TRMT44: variants seen among roughly 807,000 people sequenced by gnomAD.
The protein encoded by TRMT44 is probable tRNA (uracil-O(2)-)-methyltransferase.
A neutral mutation model predicts 77.3 loss-of-function variants in TRMT44; 78 were observed. The observed-to-expected ratio is 1.01, with a 90% confidence interval of 0.84 to 1.22. The LOEUF (loss-of-function observed/expected upper bound fraction) is 1.22, where lower values mean the gene tolerates loss of function less well. Among genes scored for constraint, TRMT44 ranks in the 50% most tolerant of loss-of-function variants. TRMT44 has a pLI of 0.00. For missense variants in TRMT44, 1,090 were observed against 964.4 expected (o/e 1.13, Z -1.73); for synonymous variants, 391 against 383.3 (o/e 1.02, Z -0.23).
At chr4:8,479,743 AAAT>A (rs1727554672), downstream of TRMT44, among the ~76,000 whole-genome samples, 1 of 152,194 alleles carries the variant, frequency 6.6e-6, no homozygotes, top group African/African-American at 2.4e-5. Context: ...TATACTAAAA[AAAT>A]GTCTTCAATA....
At position 8,446,004 on chromosome 4, in the gene TRMT44, A is replaced by G. The variant is rs965184108; in HGVS notation, c.620-472A>G. ...GGGAAGGTGACTGTGAAGTCCGTAC[A>G]TGCAGCAAGGGCTCCACACAACATA... On this transcript the variant is annotated intron_variant, in intron 1 of 10. Coordinates refer to ENST00000389737, the MANE Select transcript of TRMT44 (RefSeq NM_152544.3). This position sits in a 1 kb window ranked among gnomAD's most constrained non-coding sequence, Gnocchi z 4.3. 6.6e-6 allele frequency among the ~76,000 whole-genome samples: 1 copy of G among 152,236 alleles called. No homozygotes were observed. Among genetic ancestry groups the G allele is most frequent in the African/African-American group, 2.4e-5 (1 of 41,460 alleles).
At chr4:8,465,283 C>T (rs1026055364) in intron 7 of TRMT44, 95 bp from the exon 8 acceptor site, 5 of 1,224,934 alleles carry the variant, frequency 4.1e-6, no homozygotes, top group African/African-American at 1.5e-5. Context: ...CCCTATTTTG[C>T]CCTGATATGC....
At position 8,446,572 on chromosome 4, in the gene TRMT44, G is replaced by C. The variant is rs191714565; in HGVS notation, c.716G>C (p.Ser239Thr). The stretch of plus-strand genomic sequence containing the variant: ...AGCAATGTGTATCAAATTCAGCTCA[G>C]TCATAGCAAAGAAGAATGGTAAGAG... ...KMSNVYQIQLSHSKEEWFISV... is the reference protein window; with the variant it reads ...KMSNVYQIQLTHSKEEWFISV... Residue 239 changes from serine to threonine, a missense_variant, in exon 2 of 11, where the codon AGT (serine) becomes ACT (threonine). Transcript: ENST00000389737. The surrounding 1 kb of genome is among the most constrained non-coding windows in gnomAD (Gnocchi z 4.3). 6.5e-7 allele frequency: 1 copy of C among 1,535,436 alleles called. No individual in the cohort carries two copies. Among genetic ancestry groups the C allele is most frequent in the East Asian group, 2.4e-5 (1 of 40,924 alleles).
downstream of TRMT44, among the ~76,000 whole-genome samples, chr4:8,497,724 G>C (rs1728190450): frequency 6.6e-6 from 1 of 152,230 alleles, no homozygotes; most frequent in South Asian, 2.1e-4. Context: ...CCACTGAGCT[G>C]GTGTGTACCT....
Position 8,452,004 on chromosome 4 carries a change from T to C in TRMT44, c.999T>C (p.Asp333=). 4 of 1,536,726 alleles carry C rather than the reference T, an allele frequency of 2.6e-6. No homozygotes were observed. In the Admixed American group the frequency reaches 5.9e-5, roughly 23 times the overall value. ...VTDPEKFVYE[D]VAIAAYLLIL... ...ATCCTGAGAAGTTCGTGTATGAAGA[T>C]GTGGCTATCGCAGCATACCTGCTGG... is the stretch of plus-strand genomic sequence containing the variant. The change falls in exon 4 of 11, where the codon GAT becomes GAC. Residue 333 remains aspartate (D), a synonymous_variant. Transcript: ENST00000389737. The surrounding 1 kb of genome is among the most constrained non-coding windows in gnomAD (Gnocchi z 5.7).
intron 2 of TRMT44, among the ~76,000 whole-genome samples, chr4:8,487,294 T>G (rs1167108677): frequency 6.6e-6 from 1 of 150,776 alleles, no homozygotes; most frequent in Non-Finnish European, 1.5e-5. Flanking sequence ...CTAAGGGAGA[T>G]GGAGGAATGG....
chr4:8,449,949 C>CTTTTTTTTTCTT, intron 3 of TRMT44, 61 bp downstream of exon 3: 2 of 238,688 alleles, frequency 8.4e-6, no homozygotes, highest in South Asian at 6.0e-5. Context: ...CTTTTCTTTT[C>CTTTTTTTTTCTT]TTTTTTTTTT....
Position 8,468,290 on chromosome 4 carries a change from A to G in TRMT44, c.1871A>G (p.Lys624Arg). 6.2e-7 allele frequency: 1 copy of G among 1,614,254 alleles called. No homozygotes were observed. The highest frequency in any genetic ancestry group is 8.5e-7 in the Non-Finnish European group (1 of 1,180,048). Residue 624 changes from lysine (K) to arginine (R), a missense_variant, in exon 9 of 11, where the codon AAG becomes AGG. Physicochemically the swap from Lys to Arg is conservative, Grantham distance 26 (BLOSUM62 2). Transcript: ENST00000389737. ...GTAGCGAATTTACTGTTAGGTGGAAAGCAATTAAACACAAGAAGTTCTCGA... is the reference window on the plus strand; with the variant it reads ...GTAGCGAATTTACTGTTAGGTGGAAGGCAATTAAACACAAGAAGTTCTCGA... ...LQVANLLLGGKQLNTRSSRNG... is the reference protein window; with the variant it reads ...LQVANLLLGGRQLNTRSSRNG...
rs780155008 is a variant in TRMT44 at position 8,464,034 on chromosome 4, G to C, written c.1253G>C (p.Trp418Ser). The change falls in exon 7 of 11, where the codon TGG (tryptophan) becomes TCG (serine). Residue 418 changes from tryptophan (W) to serine (S), a missense_variant. Trp to Ser is a radical substitution (Grantham distance 177). Coordinates refer to ENST00000389737, the MANE Select transcript of TRMT44 (RefSeq NM_152544.3). ...NDKTLFPDVD[W>S]LIGNHSDELT... is the part of the protein sequence containing the mutation. ...AAGACCCTTTTCCCTGATGTTGATT[G>C]GTTAATCGGTAACCATTCTGATGAA... 5 of 1,614,076 alleles carry C rather than the reference G, an allele frequency of 3.1e-6. No homozygotes were observed. The highest frequency in any genetic ancestry group is 4.2e-6 in the Non-Finnish European group (5 of 1,180,002).
Position 8,464,039 on chromosome 4 carries a change from A to T in TRMT44, c.1258A>T (p.Ile420Phe). Residue 420 changes from isoleucine (I) to phenylalanine (F), a missense_variant, in exon 7 of 11, where the codon ATC becomes TTC. Physicochemically the swap from Ile to Phe is conservative, Grantham distance 21 (BLOSUM62 0). Coordinates refer to ENST00000389737, the MANE Select transcript of TRMT44 (RefSeq NM_152544.3). ...KTLFPDVDWL[I>F]GNHSDELTPW... ...CCTTTTCCCTGATGTTGATTGGTTA[A>T]TCGGTAACCATTCTGATGAACTCAC... 6.2e-7 allele frequency: 1 copy of T among 1,614,132 alleles called. No homozygotes were observed. Among genetic ancestry groups the T allele is most frequent in the Non-Finnish European group, 8.5e-7 (1 of 1,180,012 alleles).
At position 8,446,153 on chromosome 4, in the gene TRMT44, T is replaced by C. The variant is rs1055738465; in HGVS notation, c.620-323T>C. On this transcript the variant is annotated intron_variant, in intron 1 of 10. Transcript: ENST00000389737. This position sits in a 1 kb window ranked among gnomAD's most constrained non-coding sequence, Gnocchi z 4.3. ...GGTCAGGCTGTGGCAGACACTCAGT[T>C]AGGGCAGAGGTCCCCTGTTTTCTCT... Among the ~76,000 whole-genome samples, 1 of 152,206 alleles carries C rather than the reference T, an allele frequency of 6.6e-6. No individual in the cohort carries two copies. The highest frequency in any genetic ancestry group is 1.5e-5 in the Non-Finnish European group (1 of 68,034).
At position 8,460,187 on chromosome 4, in the gene TRMT44, C is replaced by T. The variant is rs143521842; in HGVS notation, c.1204-3798C>T. On this transcript the variant is annotated intron_variant, in intron 6 of 10. Coordinates refer to ENST00000389737, the MANE Select transcript of TRMT44 (RefSeq NM_152544.3). ...GTAGCCCTCAGGAGCCGTCCTAGGA[C>T]AGGTTATAGTATAGTGGCTCTGTGG... is the stretch of plus-strand genomic sequence containing the variant. Among the ~76,000 whole-genome samples the T allele has an allele frequency of 2.4e-3, 363 of 152,296 alleles. 3 individuals are homozygous for T. Among genetic ancestry groups the T allele is most frequent in the African/African-American group, 8.0e-3 (334 of 41,556 alleles).
chr4:8,511,704 A>G, the TRMT44 span: 5 of 151,174 alleles, frequency 3.3e-5, no homozygotes, highest in Non-Finnish European at 5.9e-5. Flanking sequence ...GTTTTTTTCC[A>G]TTCAGCCCAA....
At chr4:8,494,059 G>A (rs532700085), downstream of TRMT44, among the ~76,000 whole-genome samples, 4 of 150,866 alleles carry the variant, frequency 2.7e-5, no homozygotes, top group African/African-American at 7.3e-5. Context: ...AACACCAGGT[G>A]TGTGAGGCAG....
intron 9 of TRMT44, among the ~76,000 whole-genome samples, chr4:8,470,364 C>T (rs1006102020): frequency 6.6e-6 from 1 of 152,226 alleles, no homozygotes; most frequent in African/African-American, 2.4e-5. Flanking sequence ...CCTCCGCTCT[C>T]CTGCAGCTTG....
intron 6 of TRMT44, among the ~76,000 whole-genome samples, chr4:8,456,158 C>A (rs1296481035): frequency 6.6e-6 from 1 of 152,296 alleles, no homozygotes; most frequent in Middle Eastern, 3.4e-3. Flanking sequence ...TAACTGTAGT[C>A]CATTCAGTGC....
At chr4:8,486,967 G>A (rs1015633946) in intron 2 of TRMT44, among the ~76,000 whole-genome samples, 5 of 152,262 alleles carry the variant, frequency 3.3e-5, no homozygotes, top group Middle Eastern at 3.4e-3. Flanking sequence ...ACTCAGTGAC[G>A]CTTGGGGTTG....
Position 8,446,928 on chromosome 4 carries a change from C to G in TRMT44, c.734+338C>G, listed in dbSNP as rs1266127412. Among the ~76,000 whole-genome samples, 1 of 152,178 alleles carries G rather than the reference C, an allele frequency of 6.6e-6. No homozygotes were observed. The highest frequency in any genetic ancestry group is 1.5e-5 in the Non-Finnish European group (1 of 68,030). Reference sequence around the variant, plus strand: ...ATTGAGACAGTCTTACACTGTTGCCCAGGCTGGAGTGCATTGGTGCCATCG... The same window carrying G: ...ATTGAGACAGTCTTACACTGTTGCCGAGGCTGGAGTGCATTGGTGCCATCG... On this transcript the variant is annotated intron_variant, in intron 2 of 10. Coordinates refer to ENST00000389737, the MANE Select transcript of TRMT44 (RefSeq NM_152544.3). This position sits in a 1 kb window ranked among gnomAD's most constrained non-coding sequence, Gnocchi z 4.3.
chr4:8,445,933 G>C (rs1033773898), intron 1 of TRMT44, among the ~76,000 whole-genome samples: 2 of 152,148 alleles, frequency 1.3e-5, no homozygotes, highest in African/African-American at 4.8e-5. Flanking sequence ...CTGACAGAAT[G>C]CTGTAAATTT....
Sources: allele counts gnomAD v4.1 joint callset (sites outside exome capture counted in the v4.1 genomes callset), GRCh38; gene constraint gnomAD v4.1.1; non-coding constraint Gnocchi (gnomAD v3.1); transcripts MANE v1.5; gene names NCBI Gene and HGNC (gene_info 2026-07-23, HGNC 2026-07-21).